KIDINS220: variants seen among roughly 807,000 people sequenced by gnomAD.
The protein encoded by KIDINS220 is kinase D interacting substrate 220, also known as kinase D-interacting substrate of 220 kDa.
KIDINS220 carries 63 observed loss-of-function variants against 157.6 expected under a neutral mutation model. The observed-to-expected ratio is 0.40, with a 90% confidence interval of 0.33 to 0.49. KIDINS220 has a LOEUF of 0.49. Among genes scored for constraint, KIDINS220 ranks in the 20% least tolerant of loss-of-function variants. The pLI is 0.66. For synonymous variants in KIDINS220, 732 were observed against 783.6 expected (o/e 0.93, Z 1.10); for missense variants, 1,772 against 2,171.2 (o/e 0.82, Z 3.65).
intron 26 of KIDINS220, among the ~76,000 whole-genome samples, chr2:8,743,808 T>C (rs2148008700): frequency 6.6e-6 from 1 of 152,322 alleles, no homozygotes; most frequent in South Asian, 2.1e-4. Flanking sequence ...TTATTGGTTT[T>C]ACAAACTGGA....
Position 8,812,499 on chromosome 2 carries a change from A to C in KIDINS220, c.406-6T>G, listed in dbSNP as rs1676463855. 2.0e-6 allele frequency: 3 copies of C among 1,519,458 alleles called. No homozygotes were observed. Among genetic ancestry groups the C allele is most frequent in the Non-Finnish European group, 2.7e-6 (3 of 1,128,246 alleles). 94.1% of individuals were successfully genotyped at this position (1,519,458 alleles called of 1,614,324 possible). Reference sequence around the variant, plus strand: ...ATGATTGGGTAAACACTGTACTGCTAGGATAGATTGGTTGGTAGGTAGGTA... The same window carrying C: ...ATGATTGGGTAAACACTGTACTGCTCGGATAGATTGGTTGGTAGGTAGGTA... On this transcript the variant is annotated splice_region_variant and splice_polypyrimidine_tract_variant and intron_variant, in intron 5 of 29. Coordinates refer to ENST00000256707, the MANE Select transcript of KIDINS220 (RefSeq NM_020738.4).
chr2:8,825,329 C>T (rs1261627542), intron 2 of KIDINS220, among the ~76,000 whole-genome samples: 2 of 126,678 alleles, frequency 1.6e-5, no homozygotes, highest in Admixed American at 1.0e-4. Context: ...GCCGAGATCA[C>T]ACCACTTCAC....
intron 7 of KIDINS220, among the ~76,000 whole-genome samples, chr2:8,805,873 GA>G (rs996731728): frequency 5.9e-5 from 9 of 152,182 alleles, no homozygotes; most frequent in African/African-American, 2.2e-4. Context: ...TAGAGCCTAG[GA>G]ACGGAGTAGG....
intron 3 of KIDINS220, 44 bp downstream of exon 3, chr2:8,818,651 A>AG: frequency 8.4e-7 from 1 of 1,185,804 alleles, no homozygotes; most frequent in Non-Finnish European, 1.2e-6. Flanking sequence ...AAAATAGCTA[A>AG]GAAAAAAGTG....
rs1467349086 is a variant in KIDINS220, at chr2:8,748,102, A to T, written c.3415-102T>A. On this transcript the variant is annotated intron_variant, in intron 24 of 29. Transcript: ENST00000256707. ...CAATAAGATACAACTCCAAAACTTT[A>T]ATGCAAATGACAAAACAAAAGAAAA... 9.3e-6 allele frequency: 5 copies of T among 536,360 alleles called. No individual in the cohort carries two copies. In the South Asian group the frequency reaches 2.1e-4, roughly 22 times the overall value. The allele number at this position is 536,360 out of a possible 1,614,324, so 33.2% of individuals were successfully genotyped here.
At chr2:8,785,490 T>G (rs770461215) in intron 17 of KIDINS220, among the ~76,000 whole-genome samples, 5 of 152,146 alleles carry the variant, frequency 3.3e-5, no homozygotes, top group Admixed American at 3.3e-4. Flanking sequence ...ATCGTGCCAA[T>G]TGGGGAGGCT....
intron 6 of KIDINS220, among the ~76,000 whole-genome samples, chr2:8,811,311 G>A (rs964059760): frequency 3.8e-5 from 5 of 131,568 alleles, no homozygotes; most frequent in Admixed American, 7.6e-5. Flanking sequence ...AAAAAAAAAA[G>A]AGCAGTCCTT....
chr2:8,793,909 C>A lies in KIDINS220; in HGVS notation c.1177G>T (p.Asp393Tyr), dbSNP rs765184141. ...LAELLLRNPKDGRLLYRPNKA... is the reference protein window; with the variant it reads ...LAELLLRNPKYGRLLYRPNKA... ...TTGGGCCTATAAAGTAATCGCCCAT[C>A]TTTGGGATTTCTTAAAAGCAGTTCT... Residue 393 changes from aspartate (D) to tyrosine (Y), a missense_variant, in exon 12 of 30, where the codon GAT (aspartate) becomes TAT (tyrosine). Asp to Tyr is a radical substitution (Grantham distance 160, BLOSUM62 -3). Transcript: ENST00000256707. The A allele has an allele frequency of 1.9e-6, 3 of 1,614,052 alleles. No homozygotes were observed. Among genetic ancestry groups the A allele is most frequent in the Non-Finnish European group, 2.5e-6 (3 of 1,179,966 alleles).
intron 15 of KIDINS220, among the ~76,000 whole-genome samples, chr2:8,787,848 A>C (rs1672634953): frequency 6.6e-6 from 1 of 151,682 alleles, no homozygotes; most frequent in South Asian, 2.1e-4. Flanking sequence ...TATGAATAAT[A>C]ATTTTAGACA....
intron 2 of KIDINS220, among the ~76,000 whole-genome samples, chr2:8,822,882 A>C (rs1276314562): frequency 6.6e-6 from 1 of 152,236 alleles, no homozygotes; most frequent in Non-Finnish European, 1.5e-5. Flanking sequence ...TAGTTTATAA[A>C]TAAAGCAATA....
Position 8,751,514 on chromosome 2 carries a change from A to G in KIDINS220, c.3142T>C (p.Leu1048=), listed in dbSNP as rs202037780. The G allele has an allele frequency of 1.9e-6, 3 of 1,613,710 alleles. No individual in the cohort carries two copies. Among genetic ancestry groups the G allele is most frequent in the Non-Finnish European group, 2.5e-6 (3 of 1,179,896 alleles). ...GGATCTAGGTTTACAGTGCATGGCA[A>G]AAAGACTTTTACATCTCGAGCCACA... The part of the protein sequence containing the change: ...VLVARDVKVF[L]PCTVNLDPKL... Residue 1048 remains leucine, a synonymous_variant, in exon 23 of 30, where the codon TTG becomes CTG. Coordinates refer to ENST00000256707, the MANE Select transcript of KIDINS220 (RefSeq NM_020738.4).
At position 8,744,387 on chromosome 2, in the gene KIDINS220, AAATATATATATATAATATAT is replaced by A. The variant is rs1169476462; in HGVS notation, c.3585+2738_3585+2757del. On this transcript the variant is annotated intron_variant, in intron 26 of 29. Transcript: ENST00000256707. Reference sequence around the variant, plus strand: ...GCAAAAAAAAAAAAAAAAAAAAAAAAAATATATATATATAATATATATATATATATATATATATATATATA... The same window carrying A: ...GCAAAAAAAAAAAAAAAAAAAAAAAAATATATATATATATATATATATATA... Among the ~76,000 whole-genome samples the A allele has an allele frequency of 3.5e-3, 96 of 27,722 alleles. 2 individuals carry two copies. The highest frequency in any genetic ancestry group is 4.4e-3 in the Non-Finnish European group (80 of 18,108). 18.2% of individuals were successfully genotyped at this position (27,722 alleles called of 152,430 possible).
intron 22 of KIDINS220, among the ~76,000 whole-genome samples, chr2:8,769,447 T>C (rs903469251): frequency 6.6e-6 from 1 of 152,216 alleles, no homozygotes; most frequent in African/African-American, 2.4e-5. Flanking sequence ...CTTATTCTTT[T>C]TTATGACACA....
At chr2:8,769,271 G>T (rs1167023472) in intron 22 of KIDINS220, among the ~76,000 whole-genome samples, 1 of 152,150 alleles carries the variant, frequency 6.6e-6, no homozygotes, top group East Asian at 1.9e-4. Flanking sequence ...GAGATAACTA[G>T]TTCTCCTGTG....
At chr2:8,728,232 C>T (rs1447302940), downstream of KIDINS220, among the ~76,000 whole-genome samples, 1 of 152,122 alleles carries the variant, frequency 6.6e-6, no homozygotes, top group Non-Finnish European at 1.5e-5. Context: ...GTCCCAGCTA[C>T]TCGGGAGGCT....
chr2:8,752,480 C>T (rs1667501253), intron 22 of KIDINS220, among the ~76,000 whole-genome samples: 1 of 152,150 alleles, frequency 6.6e-6, no homozygotes, highest in Non-Finnish European at 1.5e-5. Flanking sequence ...GTGTCATATG[C>T]TCGGGGTCAC....
chr2:8,730,077 C>G lies in KIDINS220; in HGVS notation c.*643G>C. The G allele has an allele frequency of 1.0e-6, 1 of 985,606 alleles. No homozygotes were observed. Among genetic ancestry groups the G allele is most frequent in the Non-Finnish European group, 1.2e-6 (1 of 830,056 alleles). The allele number at this position is 985,606 out of a possible 1,614,324, so 61.1% of individuals were successfully genotyped here. On this transcript the variant is annotated 3_prime_UTR_variant, in exon 30 of 30. Transcript: ENST00000256707. ...ACCAGCCCTCCCCGCATCTACTCTC[C>G]TAACAGCTCAGGACAGCCCCGTCAC...
At chr2:8,768,614 C>G (rs945839651) in intron 22 of KIDINS220, among the ~76,000 whole-genome samples, 4 of 152,108 alleles carry the variant, frequency 2.6e-5, no homozygotes, top group Non-Finnish European at 5.9e-5. Context: ...GTTAAAAATA[C>G]TATTTTCTGA....
In KIDINS220 at chr2:8,837,515, C is replaced by T. The variant is rs1680608059; in HGVS notation, c.-72G>A. On this transcript the variant is annotated 5_prime_UTR_variant, in exon 1 of 30. Coordinates refer to ENST00000256707, the MANE Select transcript of KIDINS220 (RefSeq NM_020738.4). ...GCTCCGGCGGAACGGGCCCGCTCGGCTGCAGGCGATGTCAGAGGACGGGGA... is the reference window on the plus strand; with the variant it reads ...GCTCCGGCGGAACGGGCCCGCTCGGTTGCAGGCGATGTCAGAGGACGGGGA... 6.6e-6 allele frequency: 1 copy of T among 152,366 alleles called. No homozygotes were observed. Among genetic ancestry groups the T allele is most frequent in the Non-Finnish European group, 1.5e-5 (1 of 68,138 alleles). 9.4% of individuals were successfully genotyped at this position (152,366 alleles called of 1,614,324 possible).
Sources: allele counts gnomAD v4.1 joint callset (sites outside exome capture counted in the v4.1 genomes callset), GRCh38; gene constraint gnomAD v4.1.1; transcripts MANE v1.5; gene names NCBI Gene and HGNC (gene_info 2026-07-23, HGNC 2026-07-21).